NRXN1: variants seen among roughly 807,000 people sequenced by gnomAD.
The protein encoded by NRXN1 is neurexin-1.
In NRXN1, 39 loss-of-function variants were observed where a neutral mutation model predicts 150.9. The observed-to-expected ratio is 0.26, with a 90% CI of 0.20 to 0.34. NRXN1 has a LOEUF of 0.34. NRXN1 is among the 10% of genes least tolerant of loss of function. NRXN1 has a pLI of 1.00. For synonymous variants in NRXN1, 924 were observed against 757.0 expected (o/e 1.22, Z -3.62); for missense variants, 1,815 against 1,949.9 (o/e 0.93, Z 1.30).
At chr2:50,632,339 T>A (rs1682485268) in intron 5 of NRXN1, 1 of 152,034 alleles carries the variant, frequency 6.6e-6, no homozygotes, top group African/African-American at 2.4e-5. Context: ...ATTTTTTTAA[T>A]ATACACAGAT....
At chr2:50,798,581 G>C (rs1319062190) in intron 5 of NRXN1, among the ~76,000 whole-genome samples, 1 of 152,088 alleles carries the variant, frequency 6.6e-6, no homozygotes, top group Non-Finnish European at 1.5e-5. Context: ...AGCTTTAGGA[G>C]GCAAATTTAA....
At chr2:50,627,166 A>G (rs888348539) in intron 5 of NRXN1, among the ~76,000 whole-genome samples, 4 of 151,888 alleles carry the variant, frequency 2.6e-5, no homozygotes, top group Admixed American at 2.0e-4. Context: ...GACCAACTGT[A>G]ATAAGTTTCT....
At chr2:50,436,406 T>C (rs111247525) in intron 17 of NRXN1, among the ~76,000 whole-genome samples, 3 of 151,102 alleles carry the variant, frequency 2.0e-5, no homozygotes, top group African/African-American at 4.9e-5. Context: ...TGGGCCGAGA[T>C]AGTGCTATTG....
intron 15 of NRXN1, among the ~76,000 whole-genome samples, chr2:50,483,072 A>G (rs898021406): frequency 1.3e-5 from 2 of 150,208 alleles, no homozygotes; most frequent in Non-Finnish European, 3.0e-5. Flanking sequence ...AAAAAAAAAA[A>G]AGGAATCTGG....
intron 5 of NRXN1, among the ~76,000 whole-genome samples, chr2:50,783,158 A>G (rs1051727003): frequency 2.6e-5 from 4 of 152,142 alleles, no homozygotes; most frequent in African/African-American, 9.6e-5. Context: ...TAGTTTAAAA[A>G]ATCAGTTTTT....
At chr2:50,162,950 A>G (rs1260349259) in intron 18 of NRXN1, among the ~76,000 whole-genome samples, 3 of 151,820 alleles carry the variant, frequency 2.0e-5, no homozygotes, top group Non-Finnish European at 4.4e-5. Flanking sequence ...AACTGCTTTT[A>G]CTATTTGTAT....
intron 17 of NRXN1, among the ~76,000 whole-genome samples, chr2:50,373,312 A>ATTT (rs1219491762): frequency 2.7e-5 from 4 of 145,862 alleles, no homozygotes; most frequent in Admixed American, 6.9e-5. Context: ...TATTATTATT[A>ATTT]TTATTATTAT....
chr2:50,848,408 A>G (rs1299442003), intron 5 of NRXN1, among the ~76,000 whole-genome samples: 1 of 152,124 alleles, frequency 6.6e-6, no homozygotes. Context: ...GTTATCATCT[A>G]GTGTGTACAT....
chr2:50,710,884 T>C (rs903290179), intron 5 of NRXN1, among the ~76,000 whole-genome samples: 1 of 152,202 alleles, frequency 6.6e-6, no homozygotes, highest in Non-Finnish European at 1.5e-5. Context: ...TTAGACCTTA[T>C]TAACTACCTT....
At chr2:50,770,086 C>T (rs2105443158) in intron 5 of NRXN1, among the ~76,000 whole-genome samples, 1 of 152,206 alleles carries the variant, frequency 6.6e-6, no homozygotes. Context: ...TGCTTTGAAA[C>T]ATACGCCATT....
At chr2:50,541,426 G>T (rs1174014757) in intron 9 of NRXN1, among the ~76,000 whole-genome samples, 1 of 152,138 alleles carries the variant, frequency 6.6e-6, no homozygotes, top group Non-Finnish European at 1.5e-5. Context: ...CAAAACGGCT[G>T]CCAGGTGGTT....
chr2:50,125,767 C>G (rs1193167056), intron 18 of NRXN1, among the ~76,000 whole-genome samples: 1 of 151,858 alleles, frequency 6.6e-6, no homozygotes, highest in Non-Finnish European at 1.5e-5. Flanking sequence ...TGAAAAATTC[C>G]CATAGAGTTT....
At chr2:50,692,926 A>G (rs1281891988) in intron 5 of NRXN1, among the ~76,000 whole-genome samples, 1 of 152,186 alleles carries the variant, frequency 6.6e-6, no homozygotes, top group African/African-American at 2.4e-5. Context: ...ATTTAATTTA[A>G]AAAGAGCAAT....
chr2:50,423,923 C>G (rs1458061692), intron 17 of NRXN1, among the ~76,000 whole-genome samples: 1 of 152,052 alleles, frequency 6.6e-6, no homozygotes, highest in Non-Finnish European at 1.5e-5. Flanking sequence ...GCAGGTCCAA[C>G]AGCCATGAGG....
chr2:50,001,021 A>G (rs559298432), intron 21 of NRXN1, among the ~76,000 whole-genome samples: 1 of 152,306 alleles, frequency 6.6e-6, no homozygotes, highest in South Asian at 2.1e-4. Flanking sequence ...CAAACCCAAC[A>G]AGTCAGCATA....
intron 22 of NRXN1, 62 bp from the exon 23 acceptor site, chr2:49,922,313 G>T (rs1668362901): frequency 6.9e-7 from 1 of 1,446,954 alleles, no homozygotes; most frequent in Non-Finnish European, 9.6e-7. Flanking sequence ...ATACCAGAGA[G>T]CTATATTAAC....
At position 50,845,624 on chromosome 2, in the gene NRXN1, T is replaced by C. The variant is rs192056384; in HGVS notation, c.832+76245A>G. Among the ~76,000 whole-genome samples the C allele has an allele frequency of 6.0e-4, 91 of 152,282 alleles. 1 individual carries two copies. Among genetic ancestry groups the C allele is most frequent in the Non-Finnish European group, 1.1e-3 (74 of 68,018 alleles). On this transcript the variant is annotated intron_variant, in intron 5 of 22. Coordinates refer to ENST00000401669, the MANE Select transcript of NRXN1 (RefSeq NM_001330078.2). ...TTAGGAACCTCACCATCTATCTACC[T>C]CTCTAACTCTACTGCCTAGAGTGGT... is the stretch of plus-strand genomic sequence containing the variant.
chr2:50,720,362 T>C (rs1199995828), intron 5 of NRXN1, among the ~76,000 whole-genome samples: 3 of 152,072 alleles, frequency 2.0e-5, no homozygotes, highest in Non-Finnish European at 4.4e-5. Flanking sequence ...TCAGCCACAT[T>C]AACAAAGGTC....
intron 21 of NRXN1, among the ~76,000 whole-genome samples, chr2:50,039,196 C>A (rs1229158538): frequency 1.3e-5 from 2 of 151,746 alleles, no homozygotes; most frequent in Admixed American, 6.6e-5. Flanking sequence ...AACAGACAAA[C>A]AAAAACAAAG....
Sources: allele counts gnomAD v4.1 joint callset (sites outside exome capture counted in the v4.1 genomes callset), GRCh38; gene constraint gnomAD v4.1.1; transcripts MANE v1.5; gene names NCBI Gene and HGNC (gene_info 2026-07-23, HGNC 2026-07-21).